The following GRID2 variants were observed in gnomAD, a reference collection of about 807,000 sequenced individuals.
GRID2 encodes the protein glutamate receptor ionotropic, delta-2.
In GRID2, 33 loss-of-function variants were observed where a neutral mutation model predicts 114.8. That is an observed-to-expected ratio of 0.29 (90% CI 0.22 to 0.38). The LOEUF (loss-of-function observed/expected upper bound fraction) is 0.38, where lower values mean the gene tolerates loss of function less well. Ranked by LOEUF, GRID2 falls within the 10% of genes least tolerant of loss-of-function variation. GRID2 has a pLI of 1.00. For missense variants in GRID2, 1,184 were observed against 1,257.7 expected (o/e 0.94, Z 0.89); for synonymous variants, 505 against 449.9 (o/e 1.12, Z -1.55).
intron 8 of GRID2, among the ~76,000 whole-genome samples, chr4:93,272,937 C>T (rs1751624387): frequency 6.6e-6 from 1 of 152,204 alleles, no homozygotes; most frequent in Admixed American, 6.5e-5. Flanking sequence ...AGGGATTCCT[C>T]ACTCCCATGT....
intron 2 of GRID2, among the ~76,000 whole-genome samples, chr4:93,073,128 C>T (rs920903983): frequency 6.6e-6 from 1 of 152,120 alleles, no homozygotes; most frequent in Non-Finnish European, 1.5e-5. Flanking sequence ...TGCAATACTG[C>T]AAACCTTGGA....
chr4:93,723,681 T>C (rs1402844081), intron 14 of GRID2, among the ~76,000 whole-genome samples: 3 of 152,244 alleles, frequency 2.0e-5, no homozygotes, highest in Non-Finnish European at 4.4e-5. Flanking sequence ...TATGTATAAT[T>C]TGAGTAAATT....
chr4:93,722,472 G>A (rs572225012), intron 14 of GRID2, among the ~76,000 whole-genome samples: 2 of 152,214 alleles, frequency 1.3e-5, no homozygotes, highest in South Asian at 2.1e-4. Flanking sequence ...ACACATCAGT[G>A]TCACTTCAAA....
chr4:92,735,337 A>G (rs1736540387), intron 2 of GRID2, among the ~76,000 whole-genome samples: 1 of 152,138 alleles, frequency 6.6e-6, no homozygotes, highest in African/African-American at 2.4e-5. Context: ...TAATTTATAA[A>G]TTAAACACAG....
intron 2 of GRID2, among the ~76,000 whole-genome samples, chr4:93,069,373 A>G (rs1728609019): frequency 6.6e-6 from 1 of 152,002 alleles, no homozygotes; most frequent in Non-Finnish European, 1.5e-5. Flanking sequence ...TGAAAAATCC[A>G]TAAACCCTTA....
At chr4:93,050,587 T>A (rs1180678772) in intron 2 of GRID2, among the ~76,000 whole-genome samples, 1 of 151,502 alleles carries the variant, frequency 6.6e-6, no homozygotes, top group Non-Finnish European at 1.5e-5. Flanking sequence ...ACCAACAATT[T>A]GCAAAGAACA....
chr4:93,262,280 G>C (rs146261824), intron 8 of GRID2, among the ~76,000 whole-genome samples: 171 of 151,970 alleles, frequency 1.1e-3, no homozygotes, highest in African/African-American at 3.5e-3. Flanking sequence ...CCTTTCTAAA[G>C]CAGTGCCTCA....
At chr4:93,721,326 A>C (rs1310297476) in intron 14 of GRID2, among the ~76,000 whole-genome samples, 2 of 152,254 alleles carry the variant, frequency 1.3e-5, no homozygotes, top group African/African-American at 4.8e-5. Context: ...TGTCAATAAA[A>C]TTGAAGACAT....
chr4:92,363,715 G>A (rs1728722363), intron 1 of GRID2, among the ~76,000 whole-genome samples: 2 of 151,504 alleles, frequency 1.3e-5, no homozygotes, highest in Admixed American at 6.6e-5. Context: ...ATGGAAAAGG[G>A]TTTAGCTTAG....
intron 2 of GRID2, among the ~76,000 whole-genome samples, chr4:92,763,626 C>A (rs535003033): frequency 1.3e-5 from 2 of 152,284 alleles, no homozygotes; most frequent in East Asian, 3.9e-4. Flanking sequence ...GACTTGAGCA[C>A]TGCTGGACAG....
rs555563737 is a variant in GRID2 at position 92,629,918 on chromosome 4, T to C, written c.244+39632T>C. Among the ~76,000 whole-genome samples the C allele has an allele frequency of 3.4e-5, 5 of 147,672 alleles. No homozygotes were observed. The South Asian group carries it at 1.0e-3, about 31-fold the overall frequency. On this transcript the variant is annotated intron_variant, in intron 2 of 15. Coordinates refer to ENST00000282020, the MANE Select transcript of GRID2 (RefSeq NM_001510.4). ...AATACATATTTATAAATTATATAATTATATTATAAATTATATATTTTATAT... is the reference window on the plus strand; with the variant it reads ...AATACATATTTATAAATTATATAATCATATTATAAATTATATATTTTATAT...
chr4:93,334,119 G>A (rs1758785082), intron 8 of GRID2, among the ~76,000 whole-genome samples: 1 of 152,168 alleles, frequency 6.6e-6, no homozygotes, highest in Non-Finnish European at 1.5e-5. Flanking sequence ...GCAAGATGTA[G>A]AAAGTAGCTC....
chr4:93,557,903 G>A lies in GRID2; in HGVS notation c.2193+42492G>A, dbSNP rs138927016. Among the ~76,000 whole-genome samples the A allele has an allele frequency of 7.4e-3, 1,121 of 152,228 alleles. 12 individuals carry two copies. Among genetic ancestry groups the A allele is most frequent in the African/African-American group, 0.025 (1,034 of 41,532 alleles). On this transcript the variant is annotated intron_variant, in intron 13 of 15. Transcript: ENST00000282020. ...AACAAACAGTCTCTCAGACAACAGTGCAATCAAATTAGAACTCAGGATTAA... is the reference window on the plus strand; with the variant it reads ...AACAAACAGTCTCTCAGACAACAGTACAATCAAATTAGAACTCAGGATTAA...
intron 2 of GRID2, among the ~76,000 whole-genome samples, chr4:92,679,530 A>G (rs984961399): frequency 4.6e-5 from 7 of 152,070 alleles, no homozygotes; most frequent in African/African-American, 9.7e-5. Flanking sequence ...CTGATATTCA[A>G]CCTATTTTTA....
At chr4:93,000,082 G>T in intron 2 of GRID2, among the ~76,000 whole-genome samples, 1 of 151,436 alleles carries the variant, frequency 6.6e-6, no homozygotes. Context: ...GTATCCTCAG[G>T]GCTTTAAGAA....
chr4:93,133,631 A>AT (rs964146136), intron 4 of GRID2, among the ~76,000 whole-genome samples: 46 of 151,726 alleles, frequency 3.0e-4, no homozygotes, highest in East Asian at 1.2e-3. Flanking sequence ...ATTTAAATGG[A>AT]TTTTTTTTTC....
chr4:92,940,866 A>C (rs1319809317), intron 2 of GRID2, among the ~76,000 whole-genome samples: 1 of 152,202 alleles, frequency 6.6e-6, no homozygotes, highest in Admixed American at 6.5e-5. Flanking sequence ...ATGCTGGATT[A>C]CATTTATTGA....
intron 8 of GRID2, among the ~76,000 whole-genome samples, chr4:93,368,849 G>A (rs1047482127): frequency 6.6e-6 from 1 of 152,110 alleles, no homozygotes; most frequent in African/African-American, 2.4e-5. Flanking sequence ...TCCACTTTAC[G>A]AAGTCGTAGT....
rs778389755 is a variant in GRID2, at chr4:92,746,180, C to T, written c.244+155894C>T. Reference sequence around the variant, plus strand: ...ATATCATCACCTTGCACATATTTTGCGCTATGGTACCTGATTAAATAGTCT... The same window carrying T: ...ATATCATCACCTTGCACATATTTTGTGCTATGGTACCTGATTAAATAGTCT... On this transcript the variant is annotated intron_variant, in intron 2 of 15. Transcript: ENST00000282020. Among the ~76,000 whole-genome samples, 7 of 152,026 alleles carry T rather than the reference C, an allele frequency of 4.6e-5. No individual in the cohort carries two copies. The South Asian group carries it at 6.2e-4, about 13-fold the overall frequency.
Sources: gnomAD v4.1 joint callset for allele counts (sites outside exome capture counted in the v4.1 genomes callset) on GRCh38, gnomAD v4.1.1 for gene constraint, MANE v1.5 for transcripts, NCBI Gene and HGNC (gene_info 2026-07-23, HGNC 2026-07-21) for gene names.